Variants in SYNJ1 observed in about 807,000 individuals in gnomAD.
SYNJ1 encodes the protein synaptojanin 1, also known as polyphosphatidylinositol phosphatase SYNJ1.
A neutral mutation model predicts 168.2 loss-of-function variants in SYNJ1; 78 were observed. The ratio of observed to expected loss-of-function variants is 0.46; its 90% CI spans 0.39 to 0.56. SYNJ1 has a LOEUF of 0.56. Among genes scored for constraint, SYNJ1 ranks in the 20% least tolerant of loss-of-function variants. SYNJ1 has a pLI of 0.00. For synonymous variants in SYNJ1, 539 were observed against 548.6 expected, an observed-to-expected ratio of 0.98 and a Z score of 0.24; for missense variants, 1,303 against 1,597.6, an observed-to-expected ratio of 0.82 and a Z score of 3.14.
At chr21:32,727,795 G>A in intron 1 of SYNJ1, 151 bp downstream of exon 1, 2 of 1,435,250 alleles carry the variant, frequency 1.4e-6, no homozygotes, top group Non-Finnish European at 1.8e-6. Context: ...TCACAACCCC[G>A]CCCGTCCTCC....
At chr21:32,670,220 T>C in intron 15 of SYNJ1, 68 bp downstream of exon 15, 1 of 1,237,084 alleles carries the variant, frequency 8.1e-7, no homozygotes. Context: ...AACAATTACT[T>C]AATTATCTGT....
In SYNJ1 at chr21:32,656,644, T is replaced by G. The variant is rs767518207; in HGVS notation, c.2795+43A>C. 2.0e-6 allele frequency: 3 copies of G among 1,514,932 alleles called. No homozygotes were observed. The African/African-American group carries it at 4.2e-5, about 21-fold the overall frequency. The allele number at this position is 1,514,932 out of a possible 1,614,324, so 93.8% of individuals were successfully genotyped here. On this transcript the variant is annotated intron_variant, in intron 21 of 32. Transcript: ENST00000674351. Reference sequence around the variant, plus strand: ...AAGGTGATTTCTATATAGAAATGATTGTTTATGAATCACAAGCTACTTTTG... The same window carrying G: ...AAGGTGATTTCTATATAGAAATGATGGTTTATGAATCACAAGCTACTTTTG...
chr21:32,657,747 C>T lies in SYNJ1; in HGVS notation c.2430G>A (p.Trp810Ter), dbSNP rs1424960761. Reference sequence around the variant, plus strand: ...TATCAAAAGGCCATTTCCTCCTTCTCCAAAGGACACGGTCTGTCCAGGCAG... The same window carrying T: ...TATCAAAAGGCCATTTCCTCCTTCTTCAAAGGACACGGTCTGTCCAGGCAG... ...RTPAWTDRVL[W>*]RRRKWPFDRS... The change falls in exon 19 of 33, where the codon TGG becomes TGA. Residue 810 changes from tryptophan to a stop codon, truncating the protein, a stop_gained. Coordinates refer to ENST00000674351, the MANE Select transcript of SYNJ1 (RefSeq NM_203446.3). LOFTEE classifies it high-confidence loss of function. The T allele has an allele frequency of 1.2e-6, 2 of 1,609,592 alleles. No individual in the cohort carries two copies. Among genetic ancestry groups the T allele is most frequent in the East Asian group, 4.5e-5 (2 of 44,722 alleles).
rs867732539 is a variant in SYNJ1 at position 32,716,081 on chromosome 21, A to C, written c.124+10691T>G. Among the ~76,000 whole-genome samples the C allele has an allele frequency of 1.3e-5, 2 of 152,332 alleles. 1 individual carries two copies. Among genetic ancestry groups the C allele is most frequent in the Middle Eastern group, 6.8e-3 (2 of 294 alleles). ...TTAAGCTGGAAAAAGATAAAATACAAATTCTTATTAACAACCATTAAAACA... is the reference window on the plus strand; with the variant it reads ...TTAAGCTGGAAAAAGATAAAATACACATTCTTATTAACAACCATTAAAACA... On this transcript the variant is annotated intron_variant, in intron 2 of 32. Transcript: ENST00000674351.
chr21:32,706,581 A>T (rs2042618238), intron 2 of SYNJ1, among the ~76,000 whole-genome samples: 1 of 152,126 alleles, frequency 6.6e-6, no homozygotes, highest in Non-Finnish European at 1.5e-5. Context: ...TTGCTGCAAA[A>T]TTAAAATTTT....
intron 1 of SYNJ1, among the ~76,000 whole-genome samples, chr21:32,727,206 G>C (rs892615501): frequency 1.1e-4 from 16 of 152,200 alleles, no homozygotes; most frequent in African/African-American, 3.9e-4. Context: ...TATGCTTACT[G>C]AAAGGAAAAA....
rs575617039 is a variant in SYNJ1, at chr21:32,673,330, A to G, written c.1726+10T>C. On this transcript the variant is annotated intron_variant, in intron 14 of 32. Transcript: ENST00000674351. ...ATTTATTAACTAAATCCATATTATA[A>G]AAAGCCAACCTTGAAACTCCTGGAT... 3 of 1,599,950 alleles carry G rather than the reference A, an allele frequency of 1.9e-6. No homozygotes were observed. In the South Asian group the frequency reaches 3.4e-5, roughly 18 times the overall value.
At chr21:32,704,297 C>T (rs1807492005) in intron 2 of SYNJ1, among the ~76,000 whole-genome samples, 1 of 152,186 alleles carries the variant, frequency 6.6e-6, no homozygotes, top group Admixed American at 6.5e-5. Flanking sequence ...CACACACCCA[C>T]ACACACACCT....
intron 4 of SYNJ1, among the ~76,000 whole-genome samples, chr21:32,695,766 G>C (rs1182357761): frequency 6.6e-6 from 1 of 151,022 alleles, no homozygotes; most frequent in Non-Finnish European, 1.5e-5. Flanking sequence ...AGGTTCAAGC[G>C]ATTCTTCTGC....
intron 23 of SYNJ1, among the ~76,000 whole-genome samples, chr21:32,647,142 G>C (rs1028574961): frequency 2.0e-5 from 3 of 152,192 alleles, no homozygotes; most frequent in Non-Finnish European, 4.4e-5. Context: ...GGGTAGGAAA[G>C]TGGGCACAAG....
rs759120326 is a variant in SYNJ1, at chr21:32,685,885, A to G, written c.981T>C (p.Asp327=). The G allele has an allele frequency of 8.7e-6, 14 of 1,610,508 alleles. No homozygotes were observed. The highest frequency in any genetic ancestry group is 1.2e-5 in the Non-Finnish European group (14 of 1,178,706). Residue 327 remains aspartate, a synonymous_variant, in exon 9 of 33, where the codon GAT becomes GAC. Transcript: ENST00000674351. ...SHLKASEHAA[D]IQMVNFDYHQ... ...GATAGTCAAAATTCACCATCTGGAT[A>G]TCAGCAGCATGTTCAGAAGCTTTCA...
At chr21:32,671,333 T>C (rs2041180032) in intron 14 of SYNJ1, among the ~76,000 whole-genome samples, 1 of 151,924 alleles carries the variant, frequency 6.6e-6, no homozygotes, top group South Asian at 2.1e-4. Context: ...GAAGAGCCTA[T>C]AAATAGTCTG....
At chr21:32,639,867 A>C in intron 29 of SYNJ1, 88 bp from the exon 30 acceptor site, 1 of 1,086,774 alleles carries the variant, frequency 9.2e-7, no homozygotes, top group Non-Finnish European at 1.4e-6. Flanking sequence ...CATCTCATTT[A>C]CTTTCTTCTA....
intron 2 of SYNJ1, among the ~76,000 whole-genome samples, chr21:32,723,041 A>G (rs2043306056): frequency 6.6e-6 from 1 of 152,238 alleles, no homozygotes; most frequent in Non-Finnish European, 1.5e-5. Flanking sequence ...CCAGGGGGCT[A>G]GAGCCCAGAC....
chr21:32,642,865 T>C (rs1329251771), intron 27 of SYNJ1, among the ~76,000 whole-genome samples: 1 of 152,178 alleles, frequency 6.6e-6, no homozygotes, highest in African/African-American at 2.4e-5. Flanking sequence ...CAAGTACAAT[T>C]GTTATAAGAA....
In SYNJ1 at chr21:32,685,830, T is replaced by G; in HGVS notation, c.1036A>C (p.Lys346Gln). ...HQMVKGGKAE[K>Q]LHSVLKPQVQ... ...TGAGGTTTAAGAACACTATGTAATT[T>G]TTCTGCCTTTCCTCCCTTAACCATT... is the stretch of plus-strand genomic sequence containing the variant. The change falls in exon 9 of 33, where the codon AAA becomes CAA. Residue 346 changes from lysine to glutamine, a missense_variant. Physicochemically the swap from Lys to Gln is moderately conservative, Grantham distance 53. Around this residue, in one of 2 missense-constraint regions of SYNJ1, gnomAD observed 920 missense variants for 1,208.8 expected, o/e 0.76. Coordinates refer to ENST00000674351, the MANE Select transcript of SYNJ1 (RefSeq NM_203446.3). 6.2e-7 allele frequency: 1 copy of G among 1,613,372 alleles called. No homozygotes were observed. Among genetic ancestry groups the G allele is most frequent in the Non-Finnish European group, 8.5e-7 (1 of 1,179,670 alleles).
At chr21:32,639,236 T>G (rs1370138488) in intron 30 of SYNJ1, 111 bp from the exon 31 acceptor site, 1 of 974,736 alleles carries the variant, frequency 1.0e-6, no homozygotes, top group East Asian at 2.6e-5. Context: ...CCCCAATAAG[T>G]AGCCTCATTT....
At chr21:32,673,228 C>T in intron 14 of SYNJ1, 112 bp downstream of exon 14, 1 of 900,924 alleles carries the variant, frequency 1.1e-6, no homozygotes, top group Non-Finnish European at 1.6e-6. Context: ...AAATGTATAG[C>T]TCCAAGTTTC....
rs751511056 is a variant in SYNJ1 at position 32,639,057 on chromosome 21, G to GC, written c.3765dup (p.Pro1256AlafsTer40). 1 of 1,614,100 alleles carries GC rather than the reference G, an allele frequency of 6.2e-7. No individual in the cohort carries two copies. The highest frequency in any genetic ancestry group is 8.5e-7 in the Non-Finnish European group (1 of 1,179,994). ...AGAGGCTCTTGCAACCTTTGAGCAG[G>GC]CGGGGGCAAAGAAGACTGCGGAGGA... On this transcript the variant is annotated frameshift_variant, in exon 31 of 33. Transcript: ENST00000674351. LOFTEE classifies it high-confidence loss of function.
Sources: allele counts gnomAD v4.1 joint callset (sites outside exome capture counted in the v4.1 genomes callset), GRCh38; gene constraint gnomAD v4.1.1; regional missense constraint gnomAD v4.1.1; transcripts MANE v1.5; gene names NCBI Gene and HGNC (gene_info 2026-07-23, HGNC 2026-07-21).